Variants in NRG3 observed in about 807,000 individuals in gnomAD.
NRG3 encodes the protein neuregulin 3.
Under a neutral mutation model 66.9 loss-of-function variants are expected in NRG3, and 31 were observed. The ratio of observed to expected loss-of-function variants is 0.46; its 90% CI spans 0.35 to 0.63. The LOEUF is 0.63. Among genes scored for constraint, NRG3 ranks in the 20% least tolerant of loss-of-function variants. The pLI is 0.00. For synonymous variants in NRG3, 393 were observed against 359.4 expected, an observed-to-expected ratio of 1.09 and a Z score of -1.06; for missense variants, 910 against 878.9, an observed-to-expected ratio of 1.04 and a Z score of -0.45.
At chr10:82,467,145 G>A (rs1196475662) in intron 2 of NRG3, among the ~76,000 whole-genome samples, 1 of 152,212 alleles carries the variant, frequency 6.6e-6, no homozygotes, top group African/African-American at 2.4e-5. Context: ...AAACAGTCAA[G>A]CACTGCACTT....
chr10:82,367,867 T>G (rs1274625256), intron 2 of NRG3, among the ~76,000 whole-genome samples: 1 of 152,024 alleles, frequency 6.6e-6, no homozygotes, highest in East Asian at 1.9e-4. Context: ...TGGTGATGCA[T>G]GCCTGTAATC....
chr10:82,674,971 A>ATTTATTTT (rs1554993033), intron 2 of NRG3, among the ~76,000 whole-genome samples: 1 of 150,348 alleles, frequency 6.7e-6, no homozygotes, highest in African/African-American at 2.5e-5. Flanking sequence ...TTATTTATTT[A>ATTTATTTT]TTTTTTGAGA....
intron 1 of NRG3, among the ~76,000 whole-genome samples, chr10:82,270,976 TGA>T (rs2078563379): frequency 6.6e-6 from 1 of 152,088 alleles, no homozygotes; most frequent in Admixed American, 6.6e-5. Flanking sequence ...AGGATGAGGG[TGA>T]GACCTTATCT....
chr10:82,851,321 G>A (rs1286626727), intron 3 of NRG3, among the ~76,000 whole-genome samples: 1 of 152,070 alleles, frequency 6.6e-6, no homozygotes, highest in South Asian at 2.1e-4. Context: ...ACGGAGCTTG[G>A]GGGTTGGGCA....
At chr10:82,532,049 G>A (rs558988963) in intron 2 of NRG3, among the ~76,000 whole-genome samples, 1 of 151,792 alleles carries the variant, frequency 6.6e-6, no homozygotes, top group Non-Finnish European at 1.5e-5. Flanking sequence ...GAGTATATGT[G>A]ATACTTTGAT....
chr10:81,890,781 C>T (rs748109520), intron 1 of NRG3, among the ~76,000 whole-genome samples: 162 of 152,212 alleles, frequency 1.1e-3, no homozygotes, highest in African/African-American at 3.4e-3. Context: ...ATTAAATTGC[C>T]GGTCAGTGAA....
chr10:82,520,243 T>A (rs1193719361), intron 2 of NRG3, among the ~76,000 whole-genome samples: 1 of 151,000 alleles, frequency 6.6e-6, no homozygotes, highest in African/African-American at 2.4e-5. Flanking sequence ...TCCACATCCA[T>A]TAAGGGCAGC....
intron 1 of NRG3, among the ~76,000 whole-genome samples, chr10:81,899,019 C>T (rs1402128053): frequency 6.6e-6 from 1 of 151,896 alleles, no homozygotes; most frequent in Non-Finnish European, 1.5e-5. Context: ...TTTTAAATTT[C>T]CTTAGGTTTT....
chr10:82,979,295 T>A (rs1229644596), intron 8 of NRG3, among the ~76,000 whole-genome samples, 175 bp downstream of exon 8: 1 of 152,182 alleles, frequency 6.6e-6, no homozygotes, highest in South Asian at 2.1e-4. Context: ...ATAGTTGTGA[T>A]GGAAAATAGG....
intron 1 of NRG3, among the ~76,000 whole-genome samples, chr10:82,335,340 G>A (rs1247439281): frequency 6.6e-6 from 1 of 152,088 alleles, no homozygotes; most frequent in African/African-American, 2.4e-5. Flanking sequence ...GGGGGATCTA[G>A]GTAAGCAACT....
chr10:81,877,962 T>C (rs1309031112), intron 1 of NRG3: 1 of 1,537,578 alleles, frequency 6.5e-7, no homozygotes, highest in East Asian at 2.4e-5. Flanking sequence ...GATAGAATAA[T>C]GGAGTGTGGT....
intron 2 of NRG3, among the ~76,000 whole-genome samples, chr10:82,359,826 T>G (rs1317319920): frequency 6.6e-6 from 1 of 152,210 alleles, no homozygotes; most frequent in Non-Finnish European, 1.5e-5. Flanking sequence ...TATAAAACTC[T>G]ATTCCCATGT....
chr10:81,911,159 C>T (rs7094356), intron 1 of NRG3, among the ~76,000 whole-genome samples: 152,342 of 152,342 alleles, frequency 1, 76,171 homozygotes, highest in Non-Finnish European at 1. Flanking sequence ...GTGAACCTTA[C>T]TGCTATGTCT....
chr10:82,323,503 T>A (rs1307659152), intron 1 of NRG3, among the ~76,000 whole-genome samples: 1 of 152,078 alleles, frequency 6.6e-6, no homozygotes, highest in Non-Finnish European at 1.5e-5. Flanking sequence ...TTTTTTTTTT[T>A]TGGATTAAGT....
At chr10:82,161,466 G>A (rs1435066850) in intron 1 of NRG3, among the ~76,000 whole-genome samples, 1 of 151,820 alleles carries the variant, frequency 6.6e-6, no homozygotes, top group Non-Finnish European at 1.5e-5. Context: ...CCCTTTTTTT[G>A]TACCTTTAGT....
rs187905507 is a variant in NRG3, at chr10:82,962,914, C to A, written c.1284+3839C>A. Among the ~76,000 whole-genome samples, 219 of 152,174 alleles carry A rather than the reference C, an allele frequency of 1.4e-3. 1 individual carries two copies. Among genetic ancestry groups the A allele is most frequent in the Admixed American group, 4.5e-3 (69 of 15,292 alleles). On this transcript the variant is annotated intron_variant, in intron 6 of 8. Transcript: ENST00000372141. Reference sequence around the variant, plus strand: ...AGAGCCTTAAAAATTGGTGAAAAGGCACATATTTATCCAGTAATGTTTATT... The same window carrying A: ...AGAGCCTTAAAAATTGGTGAAAAGGAACATATTTATCCAGTAATGTTTATT...
intron 4 of NRG3, among the ~76,000 whole-genome samples, chr10:82,932,513 C>T (rs1490129417): frequency 6.6e-6 from 1 of 152,062 alleles, no homozygotes; most frequent in Admixed American, 6.6e-5. Context: ...CTGGGTTTGC[C>T]ACCACCCTGA....
chr10:82,589,379 A>G (rs1238583843), intron 2 of NRG3, among the ~76,000 whole-genome samples: 1 of 152,150 alleles, frequency 6.6e-6, no homozygotes, highest in Non-Finnish European at 1.5e-5. Flanking sequence ...CAGAATTGAG[A>G]CATCTCCAGC....
intron 3 of NRG3, among the ~76,000 whole-genome samples, chr10:82,861,611 C>T (rs78457669): frequency 0.013 from 1,917 of 152,268 alleles, 23 homozygotes; most frequent in Non-Finnish European, 0.018. Context: ...TTGTCACATC[C>T]GGAGGCAGAG....
Sources: allele counts gnomAD v4.1 joint callset (sites outside exome capture counted in the v4.1 genomes callset), GRCh38; gene constraint gnomAD v4.1.1; transcripts MANE v1.5; gene names NCBI Gene and HGNC (gene_info 2026-07-23, HGNC 2026-07-21).